KIF18A: variants seen among roughly 807,000 people sequenced by gnomAD.
KIF18A encodes the protein kinesin-like protein KIF18A.
A neutral mutation model predicts 103.3 loss-of-function variants in KIF18A; 67 were observed. The ratio of observed to expected loss-of-function variants is 0.65; its 90% CI spans 0.53 to 0.79. The LOEUF is 0.79. Ranked by LOEUF, KIF18A falls within the 30% of genes least tolerant of loss-of-function variation. KIF18A has a pLI of 0.00. For missense variants in KIF18A, 1,032 were observed against 1,062.5 expected (o/e 0.97, Z 0.40); for synonymous variants, 367 against 355.5 (o/e 1.03, Z -0.36).
intron 13 of KIF18A, among the ~76,000 whole-genome samples, chr11:28,047,835 G>C (rs1375442984): frequency 6.6e-6 from 1 of 152,034 alleles, no homozygotes; most frequent in Non-Finnish European, 1.5e-5. Flanking sequence ...ACTGAAAAGA[G>C]AAAGTAGGCA....
rs141204725 is a variant in KIF18A at position 28,051,354 on chromosome 11, G to A, written c.1948+7572C>T. 4.0e-5 allele frequency among the ~76,000 whole-genome samples: 6 copies of A among 151,842 alleles called. No homozygotes were observed. The East Asian group carries it at 1.2e-3, about 29-fold the overall frequency. On this transcript the variant is annotated intron_variant, in intron 13 of 16. Transcript: ENST00000263181. Reference sequence around the variant, plus strand: ...AGACAGACAAACAGGTGAAACAATAGAGTAGAAATTGAGTAAACAGAATTA... The same window carrying A: ...AGACAGACAAACAGGTGAAACAATAAAGTAGAAATTGAGTAAACAGAATTA...
At chr11:28,062,614 T>C in intron 11 of KIF18A, 98 bp from the exon 12 acceptor site, 1 of 851,644 alleles carries the variant, frequency 1.2e-6, no homozygotes, top group South Asian at 4.0e-5. Context: ...GTTTTAATTC[T>C]TTTTAGATAT....
At chr11:28,065,141 T>C (rs1311456746) in intron 11 of KIF18A, among the ~76,000 whole-genome samples, 2 of 151,984 alleles carry the variant, frequency 1.3e-5, no homozygotes, top group African/African-American at 2.4e-5. Flanking sequence ...ATTCAGAATA[T>C]TGAAGAGTAA....
chr11:28,064,779 T>C (rs1013264056), intron 11 of KIF18A, among the ~76,000 whole-genome samples: 2 of 152,098 alleles, frequency 1.3e-5, no homozygotes, highest in African/African-American at 4.8e-5. Context: ...CTTGACATAC[T>C]AATGACTAAA....
chr11:28,063,081 G>C (rs906899539), intron 11 of KIF18A, among the ~76,000 whole-genome samples: 1 of 152,012 alleles, frequency 6.6e-6, no homozygotes, highest in African/African-American at 2.4e-5. Context: ...TTCTGTTTTT[G>C]CATGAAACAA....
intron 13 of KIF18A, among the ~76,000 whole-genome samples, chr11:28,043,017 G>A: frequency 6.6e-6 from 1 of 151,808 alleles, no homozygotes; most frequent in East Asian, 1.9e-4. Context: ...TATCAGTAAA[G>A]GGCCTTAAAT....
chr11:28,085,906 G>A (rs1851222362), intron 6 of KIF18A, among the ~76,000 whole-genome samples: 1 of 152,162 alleles, frequency 6.6e-6, no homozygotes, highest in Non-Finnish European at 1.5e-5. Context: ...TATAATTGGT[G>A]ATTGAGGTGA....
At chr11:28,083,145 G>A in intron 8 of KIF18A, 24 bp downstream of exon 8, 1 of 1,571,594 alleles carries the variant, frequency 6.4e-7, no homozygotes, top group Non-Finnish European at 8.6e-7. Context: ...CGCAAGACTA[G>A]CATAAAAATA....
intron 1 of KIF18A, among the ~76,000 whole-genome samples, chr11:28,105,697 G>A (rs1000402770): frequency 2.6e-5 from 4 of 152,114 alleles, no homozygotes; most frequent in Non-Finnish European, 5.9e-5. Context: ...TCTTGAATGT[G>A]AAAATAAAAC....
chr11:28,083,708 C>T (rs1278513885), intron 7 of KIF18A, among the ~76,000 whole-genome samples: 1 of 152,110 alleles, frequency 6.6e-6, no homozygotes, highest in Non-Finnish European at 1.5e-5. Context: ...CTTAACCTGA[C>T]TTAGAATTCG....
chr11:28,085,727 G>T (rs1053392290), intron 6 of KIF18A, among the ~76,000 whole-genome samples: 2 of 151,530 alleles, frequency 1.3e-5, no homozygotes, highest in South Asian at 4.2e-4. Context: ...TGTCTTGATG[G>T]TAGTGGTCCC....
chr11:28,083,058 C>T (rs7937778), intron 8 of KIF18A, 90 bp from the exon 9 acceptor site: 361,274 of 1,457,328 alleles, frequency 0.25, 47,829 homozygotes, highest in African/African-American at 0.45. Context: ...CTGAATTAAC[C>T]AGATTTTAAT....
chr11:28,077,533 T>C (rs1445379934), intron 9 of KIF18A, among the ~76,000 whole-genome samples: 1 of 152,184 alleles, frequency 6.6e-6, no homozygotes, highest in East Asian at 1.9e-4. Context: ...AAAAGGATGA[T>C]AACCTGGGCA....
intron 15 of KIF18A, among the ~76,000 whole-genome samples, chr11:28,032,828 C>T (rs946428109): frequency 6.6e-6 from 1 of 151,614 alleles, no homozygotes; most frequent in Non-Finnish European, 1.5e-5. Flanking sequence ...TTGAGTAATA[C>T]CCTACACAGG....
chr11:28,033,848 T>TAA (rs1657983207), intron 15 of KIF18A, among the ~76,000 whole-genome samples: 1 of 151,612 alleles, frequency 6.6e-6, no homozygotes, highest in Non-Finnish European at 1.5e-5. Flanking sequence ...AAAAAATAAC[T>TAA]AAGAGTATAA....
At chr11:28,088,749 A>G (rs1021053144) in intron 5 of KIF18A, 28 bp from the exon 6 acceptor site, 8 of 1,557,660 alleles carry the variant, frequency 5.1e-6, no homozygotes, top group Non-Finnish European at 7.0e-6. Context: ...ATAGAAAAAA[A>G]TGAGGATAAG....
At chr11:28,058,489 G>GA (rs34177202) in intron 13 of KIF18A, among the ~76,000 whole-genome samples, 1,369 of 54,128 alleles carry the variant, frequency 0.025, 52 homozygotes, top group East Asian at 0.1. Context: ...GTTTCTACAG[G>GA]AAAAAAAAAA....
At chr11:28,079,526 G>T (rs1223160451) in intron 9 of KIF18A, among the ~76,000 whole-genome samples, 1 of 152,012 alleles carries the variant, frequency 6.6e-6, no homozygotes, top group Non-Finnish European at 1.5e-5. Flanking sequence ...CTATAATCTT[G>T]TTTTCCTTAT....
chr11:28,072,827 C>CTTTCTA (rs555040334), intron 10 of KIF18A, among the ~76,000 whole-genome samples: 35 of 151,242 alleles, frequency 2.3e-4, no homozygotes, highest in African/African-American at 8.0e-4. Flanking sequence ...ATGTCTTAAT[C>CTTTCTA]TTTCTAGATA....
Sources: allele counts gnomAD v4.1 joint callset (sites outside exome capture counted in the v4.1 genomes callset), GRCh38; gene constraint gnomAD v4.1.1; transcripts MANE v1.5; gene names NCBI Gene and HGNC (gene_info 2026-07-23, HGNC 2026-07-21).